Variants in NIBAN2 observed in about 807,000 individuals in gnomAD.
NIBAN2 encodes niban apoptosis regulator 2.
Under a neutral mutation model 81.8 loss-of-function variants are expected in NIBAN2, and 36 were observed. That is an observed-to-expected ratio of 0.44 (90% CI 0.34 to 0.58). NIBAN2 has a LOEUF of 0.58. Ranked by LOEUF, NIBAN2 falls within the 20% of genes least tolerant of loss-of-function variation. The pLI is 0.02. For synonymous variants in NIBAN2, 445 were observed against 441.6 expected (o/e 1.01, Z -0.10); for missense variants, 897 against 1,014.1 (o/e 0.88, Z 1.57).
intron 1 of NIBAN2, among the ~76,000 whole-genome samples, chr9:127,550,414 C>G (rs751373521): frequency 1.3e-5 from 2 of 152,234 alleles, no homozygotes; most frequent in Non-Finnish European, 2.9e-5. Flanking sequence ...CAGGTCAGAC[C>G]CCTGTTAGTC....
intron 8 of NIBAN2, among the ~76,000 whole-genome samples, chr9:127,515,220 CTT>C (rs1357709446): frequency 6.6e-6 from 1 of 152,068 alleles, no homozygotes; most frequent in South Asian, 2.1e-4. Context: ...GACTCTGTCT[CTT>C]AAAAAACAGG....
chr9:127,542,186 G>A (rs191239119), intron 1 of NIBAN2, among the ~76,000 whole-genome samples: 8 of 152,246 alleles, frequency 5.3e-5, no homozygotes, highest in African/African-American at 1.2e-4. Flanking sequence ...TACCATGCCC[G>A]CAGGCCCAAG....
chr9:127,571,031 G>T (rs1465282849), upstream of NIBAN2, among the ~76,000 whole-genome samples: 1 of 152,272 alleles, frequency 6.6e-6, no homozygotes, highest in Non-Finnish European at 1.5e-5. Flanking sequence ...AGCCCAAACT[G>T]CAGGGTCTGT....
At chr9:127,512,291 T>C (rs1182931421) in intron 8 of NIBAN2, among the ~76,000 whole-genome samples, 3 of 151,328 alleles carry the variant, frequency 2.0e-5, no homozygotes, top group African/African-American at 7.3e-5. Context: ...TTTTACATTT[T>C]TTTTTTTTTT....
At position 127,533,787 on chromosome 9, in the gene NIBAN2, G is replaced by A. The variant is rs74739969; in HGVS notation, c.56-2009C>T. Among the ~76,000 whole-genome samples the A allele has an allele frequency of 4.0e-3, 604 of 152,242 alleles. 7 individuals carry two copies. In the East Asian group the frequency reaches 0.047, roughly 12 times the overall value. On this transcript the variant is annotated intron_variant, in intron 1 of 13. Transcript: ENST00000373312. ...GGAGTACAGAGTGAACTTCATTTTT[G>A]GTTTATTTCCTTTTATAGCATTTGA...
At chr9:127,539,497 C>T (rs564955574) in intron 1 of NIBAN2, among the ~76,000 whole-genome samples, 2 of 152,300 alleles carry the variant, frequency 1.3e-5, no homozygotes, top group South Asian at 4.1e-4. Flanking sequence ...CTAGGGTTTC[C>T]AGCTCCACTG....
intron 1 of NIBAN2, among the ~76,000 whole-genome samples, chr9:127,535,899 G>A (rs1478894464): frequency 6.6e-6 from 1 of 152,050 alleles, no homozygotes; most frequent in Non-Finnish European, 1.5e-5. Flanking sequence ...ACAAGGGAAG[G>A]CCGTGGGGCA....
chr9:127,510,119 C>A (rs375863565), intron 9 of NIBAN2, 27 bp downstream of exon 9: 6 of 1,585,288 alleles, frequency 3.8e-6, no homozygotes, highest in South Asian at 1.2e-5. Flanking sequence ...TCAGGAGACC[C>A]CCTCCTAGGG....
At chr9:127,534,828 A>AG (rs1362858908) in intron 1 of NIBAN2, among the ~76,000 whole-genome samples, 1 of 152,170 alleles carries the variant, frequency 6.6e-6, no homozygotes, top group Non-Finnish European at 1.5e-5. Flanking sequence ...TGAGGCAGAG[A>AG]GGGGGCAAAT....
At chr9:127,571,411 A>C (rs1212724861), upstream of NIBAN2, among the ~76,000 whole-genome samples, 1 of 152,192 alleles carries the variant, frequency 6.6e-6, no homozygotes, top group African/African-American at 2.4e-5. Context: ...TGAAAGTGGA[A>C]AGGCGGCCGG....
intron 1 of NIBAN2, among the ~76,000 whole-genome samples, chr9:127,555,771 G>C (rs1213486918): frequency 6.6e-6 from 1 of 152,232 alleles, no homozygotes; most frequent in African/African-American, 2.4e-5. Context: ...GAGCTCCCAG[G>C]GAAGAGTGGC....
chr9:127,545,295 C>G lies in NIBAN2; in HGVS notation c.56-13517G>C, dbSNP rs1431569925. ...TCCACAGCCTCCCTGGCCTCCACTC[C>G]CACAGCCCCTGGCCTGCTCCCCGGC... On this transcript the variant is annotated intron_variant, in intron 1 of 13. Coordinates refer to ENST00000373312, the MANE Select transcript of NIBAN2 (RefSeq NM_022833.4). This position sits in a 1 kb window ranked among gnomAD's most constrained non-coding sequence, Gnocchi z 4.7. Among the ~76,000 whole-genome samples, 1 of 146,028 alleles carries G rather than the reference C, an allele frequency of 6.8e-6. No individual in the cohort carries two copies. Among genetic ancestry groups the G allele is most frequent in the African/African-American group, 2.8e-5 (1 of 35,590 alleles).
At chr9:127,568,269 G>A (rs2249008) in intron 1 of NIBAN2, among the ~76,000 whole-genome samples, 110,564 of 152,096 alleles carry the variant, frequency 0.73, 40,374 homozygotes, top group Middle Eastern at 0.77. Context: ...CACCGCCTCC[G>A]GGGCGCCCCA....
chr9:127,575,807 G>C (rs143508749), intron 1 of NIBAN2, among the ~76,000 whole-genome samples: 4 of 152,176 alleles, frequency 2.6e-5, no homozygotes, highest in African/African-American at 4.8e-5. Context: ...GGGATTACAG[G>C]CGTGAGCCAC....
rs747756765 is a variant in NIBAN2 at position 127,509,162 on chromosome 9, A to T, written c.1162-31T>A. 3 of 1,581,638 alleles carry T rather than the reference A, an allele frequency of 1.9e-6. No homozygotes were observed. In the South Asian group the frequency reaches 3.4e-5, roughly 18 times the overall value. ...GGGGCCGGGGCCGCGGGGGCTGAGC[A>T]GGGCCGCCCTGTGGCCAGGCAGCAC... On this transcript the variant is annotated intron_variant, in intron 9 of 13. Transcript: ENST00000373312.
intron 1 of NIBAN2, among the ~76,000 whole-genome samples, chr9:127,556,336 G>A (rs932542592): frequency 6.6e-6 from 1 of 150,460 alleles, no homozygotes; most frequent in South Asian, 2.1e-4. Flanking sequence ...TCCCACATCT[G>A]CCCTGCCCCT....
chr9:127,563,389 G>A lies in NIBAN2; in HGVS notation c.55+5431C>T, dbSNP rs528232850. 4.6e-5 allele frequency among the ~76,000 whole-genome samples: 7 copies of A among 152,252 alleles called. No individual in the cohort carries two copies. The highest frequency in any genetic ancestry group is 7.3e-5 in the Non-Finnish European group (5 of 68,040). ...CGGCCCAGGCCCAGGCACTGCTTCC[G>A]GCCAGCCTGGTCTCTCTGCAAAGTC... On this transcript the variant is annotated intron_variant, in intron 1 of 13. Transcript: ENST00000373312. The surrounding 1 kb of genome is among the most constrained non-coding windows in gnomAD (Gnocchi z 4.1).
At position 127,561,122 on chromosome 9, in the gene NIBAN2, G is replaced by A. The variant is rs1169781936; in HGVS notation, c.55+7698C>T. 5 of 985,336 alleles carry A rather than the reference G, an allele frequency of 5.1e-6. No individual in the cohort carries two copies. The African/African-American group carries it at 7.0e-5, about 14-fold the overall frequency. 61.0% of individuals were successfully genotyped at this position (985,336 alleles called of 1,614,324 possible). A position where few individuals can be genotyped will look rare whatever the true frequency, so the allele number is the denominator to read the frequency against. On this transcript the variant is annotated intron_variant, in intron 1 of 13. Transcript: ENST00000373312. The stretch of plus-strand genomic sequence containing the variant: ...TGCACTGCCAAATGCCAGGCACAGA[G>A]TGGATGCTGCTGCGGAGTGACTGAC...
chr9:127,565,946 T>TCTCTCTCTCACACACA (rs751937125), intron 1 of NIBAN2, among the ~76,000 whole-genome samples: 78 of 130,618 alleles, frequency 6.0e-4, no homozygotes, highest in African/African-American at 2.4e-3. Flanking sequence ...TCTCTCTCTC[T>TCTCTCTCTCACACACA]CACACACACA....
Sources: gnomAD v4.1 joint callset for allele counts (sites outside exome capture counted in the v4.1 genomes callset) on GRCh38, gnomAD v4.1.1 for gene constraint, Gnocchi (gnomAD v3.1) non-coding constraint, MANE v1.5 for transcripts, NCBI Gene and HGNC (gene_info 2026-07-23, HGNC 2026-07-21) for gene names.